The following CMTM4 variants were observed in gnomAD, a reference collection of about 807,000 sequenced individuals.
CMTM4 encodes the protein CKLF like MARVEL transmembrane domain containing 4, also known as CKLF-like MARVEL transmembrane domain-containing protein 4.
A neutral mutation model predicts 19.0 loss-of-function variants in CMTM4; 8 were observed. The observed-to-expected ratio is 0.42, with a 90% confidence interval of 0.25 to 0.76. CMTM4 has a LOEUF of 0.76. Ranked by LOEUF, CMTM4 falls within the 30% of genes least tolerant of loss-of-function variation. The pLI is 0.27. For missense variants in CMTM4, 228 were observed against 290.2 expected (o/e 0.79, Z 1.56); for synonymous variants, 106 against 121.1 (o/e 0.88, Z 0.82).
At chr16:66,627,006 G>A (rs1377846431) in intron 2 of CMTM4, among the ~76,000 whole-genome samples, 2 of 152,164 alleles carry the variant, frequency 1.3e-5, no homozygotes, top group Non-Finnish European at 1.5e-5. Context: ...GGAAGGCTGA[G>A]GTAGGAAGAT....
chr16:66,624,094 T>C (rs1194218051), intron 2 of CMTM4, among the ~76,000 whole-genome samples: 1 of 152,230 alleles, frequency 6.6e-6, no homozygotes, highest in Non-Finnish European at 1.5e-5. Context: ...AGCAGGGTAA[T>C]GAAAGGTCAC....
chr16:66,609,308 G>C, the CMTM4 span: 1 of 762,594 alleles, frequency 1.3e-6, no homozygotes. The surrounding 1 kb of genome is among the most constrained non-coding windows in gnomAD (Gnocchi z 4.4). Flanking sequence ...ATGTGGGTGG[G>C]GCCAGGATGG....
At position 66,619,173 on chromosome 16, in the gene CMTM4, TTCCC is replaced by T. The variant is rs1243614230; in HGVS notation, c.*2881_*2884del. ...CCTCTTTAAGGCAGGGAAAACATAT[TTCCC>T]TCCCATGCCTTCAGCAGTGTGAAAG... On this transcript the variant is annotated 3_prime_UTR_variant, in exon 4 of 4. Coordinates refer to ENST00000394106, the MANE Select transcript of CMTM4 (RefSeq NM_181521.3). 1 of 985,348 alleles carries T rather than the reference TTCCC, an allele frequency of 1.0e-6. No individual in the cohort carries two copies. The highest frequency in any genetic ancestry group is 1.2e-6 in the Non-Finnish European group (1 of 829,950). 61.0% of individuals were successfully genotyped at this position (985,348 alleles called of 1,614,324 possible). A position where few individuals can be genotyped will look rare whatever the true frequency, so the allele number is the denominator to read the frequency against.
At chr16:66,686,236 G>C (rs1420304596) in intron 1 of CMTM4, among the ~76,000 whole-genome samples, 1 of 139,544 alleles carries the variant, frequency 7.2e-6, no homozygotes, top group East Asian at 2.1e-4. Flanking sequence ...CCTGGTGACA[G>C]AGCAAGATTC....
Position 66,621,995 on chromosome 16 carries a change from G to C in CMTM4, c.*63C>G, listed in dbSNP as rs2015645037. 6.6e-7 allele frequency: 1 copy of C among 1,517,718 alleles called. No homozygotes were observed. The highest frequency in any genetic ancestry group is 1.8e-4 in the Middle Eastern group (1 of 5,512). 94.0% of individuals were successfully genotyped at this position (1,517,718 alleles called of 1,614,324 possible). ...TCACATGGAAATCTGACAGGACAAG[G>C]GAAAGAAAACTTGACTGAGAGACAG... On this transcript the variant is annotated 3_prime_UTR_variant, in exon 4 of 4. Coordinates refer to ENST00000394106, the MANE Select transcript of CMTM4 (RefSeq NM_181521.3).
chr16:66,683,936 T>C (rs1437672624), intron 1 of CMTM4, among the ~76,000 whole-genome samples: 1 of 152,044 alleles, frequency 6.6e-6, no homozygotes, highest in East Asian at 1.9e-4. Flanking sequence ...AGCGGGCATT[T>C]TCAGGAAGAG....
At chr16:66,625,828 A>C (rs1228463835) in intron 2 of CMTM4, among the ~76,000 whole-genome samples, 1 of 152,252 alleles carries the variant, frequency 6.6e-6, no homozygotes, top group Non-Finnish European at 1.5e-5. Flanking sequence ...CACTAGCCAT[A>C]TGTGACTGAA....
At chr16:66,614,188 G>A (rs1019565992), downstream of CMTM4, among the ~76,000 whole-genome samples, 1 of 152,242 alleles carries the variant, frequency 6.6e-6, no homozygotes, top group Non-Finnish European at 1.5e-5. This position sits in a 1 kb window ranked among gnomAD's most constrained non-coding sequence, Gnocchi z 4.9. Flanking sequence ...CCCACCTCCT[G>A]CTGTGCAGCC....
chr16:66,604,773 A>C, the CMTM4 span: 2 of 1,229,154 alleles, frequency 1.6e-6, no homozygotes. Flanking sequence ...GAGGGGAGCC[A>C]GGCCGAGCCC....
At chr16:66,683,150 TATATATATAC>T (rs2016954086) in intron 1 of CMTM4, among the ~76,000 whole-genome samples, 7 of 128,070 alleles carry the variant, frequency 5.5e-5, no homozygotes, top group Admixed American at 4.4e-4. Flanking sequence ...TATATATGTA[TATATATATAC>T]GTATATATAT....
At chr16:66,601,119 GT>G in the CMTM4 span, among the ~76,000 whole-genome samples, 1 of 151,970 alleles carries the variant, frequency 6.6e-6, no homozygotes, top group Non-Finnish European at 1.5e-5. Context: ...GTGTGTGTGT[GT>G]GTGTGTGTGT....
rs1282037210 is a variant in CMTM4, at chr16:66,618,379, C to T, written c.*3679G>A. The T allele has an allele frequency of 1.0e-6, 1 of 985,294 alleles. No homozygotes were observed. Among genetic ancestry groups the T allele is most frequent in the African/African-American group, 1.7e-5 (1 of 57,228 alleles). 61.0% of individuals were successfully genotyped at this position (985,294 alleles called of 1,614,324 possible). A position where few individuals can be genotyped will look rare whatever the true frequency, so the allele number is the denominator to read the frequency against. On this transcript the variant is annotated 3_prime_UTR_variant, in exon 4 of 4. Transcript: ENST00000394106. ...GAACACAGATGAGACAATAGGAACC[C>T]TTAAATCATCACTGCCTTGCAGAAT...
chr16:66,658,040 C>T (rs1180680152), intron 1 of CMTM4, among the ~76,000 whole-genome samples: 1 of 152,070 alleles, frequency 6.6e-6, no homozygotes, highest in Non-Finnish European at 1.5e-5. Flanking sequence ...AGGCAACATA[C>T]TAAGACTCCA....
At chr16:66,669,012 C>T (rs1297626862) in intron 1 of CMTM4, among the ~76,000 whole-genome samples, 1 of 152,130 alleles carries the variant, frequency 6.6e-6, no homozygotes, top group African/African-American at 2.4e-5. Flanking sequence ...TAAAAACCTA[C>T]ATTCACAGAA....
intron 1 of CMTM4, among the ~76,000 whole-genome samples, chr16:66,683,164 T>C (rs1423631170): frequency 1.3e-4 from 13 of 97,586 alleles, no homozygotes; most frequent in African/African-American, 2.7e-4. Flanking sequence ...TATATACGTA[T>C]ATATATATAT....
chr16:66,609,547 C>T, the CMTM4 span: 1 of 1,576,982 alleles, frequency 6.3e-7, no homozygotes, highest in Non-Finnish European at 8.6e-7. This position sits in a 1 kb window ranked among gnomAD's most constrained non-coding sequence, Gnocchi z 4.4. Flanking sequence ...AGCCGCCCCA[C>T]CCCTCTGGAA....
chr16:66,689,797 G>C (rs1215972982), intron 1 of CMTM4, among the ~76,000 whole-genome samples: 1 of 152,060 alleles, frequency 6.6e-6, no homozygotes, highest in Non-Finnish European at 1.5e-5. Flanking sequence ...AAATCAAATT[G>C]GTTTGGTGTA....
At chr16:66,603,225 G>A in the CMTM4 span, among the ~76,000 whole-genome samples, 136 of 152,298 alleles carry the variant, frequency 8.9e-4, 1 homozygote, top group Middle Eastern at 0.024. Context: ...GCTCTGGTGA[G>A]AAATGGTAGA....
At chr16:66,600,146 GTT>G in the CMTM4 span, among the ~76,000 whole-genome samples, 1 of 125,770 alleles carries the variant, frequency 8.0e-6, no homozygotes, top group Non-Finnish European at 1.7e-5. Context: ...GTTTTTTTTT[GTT>G]TTTTTTTTTT....
Sources: gnomAD v4.1 joint callset for allele counts (sites outside exome capture counted in the v4.1 genomes callset) on GRCh38, gnomAD v4.1.1 for gene constraint, Gnocchi (gnomAD v3.1) non-coding constraint, MANE v1.5 for transcripts, NCBI Gene and HGNC (gene_info 2026-07-23, HGNC 2026-07-21) for gene names.